The following FAM184B variants were observed in gnomAD, a reference collection of about 807,000 sequenced individuals.
FAM184B encodes protein FAM184B.
Under a neutral mutation model 135.9 loss-of-function variants are expected in FAM184B, and 111 were observed. The observed-to-expected ratio is 0.82, with a 90% confidence interval of 0.70 to 0.96. The LOEUF is 0.96. FAM184B is among the 40% of genes least tolerant of loss of function. The pLI, the probability that FAM184B is intolerant of heterozygous loss-of-function variation, is 0.00. For missense variants in FAM184B, 1,375 were observed against 1,323.9 expected, an observed-to-expected ratio of 1.04 and a Z score of -0.60; for synonymous variants, 552 against 524.8, an observed-to-expected ratio of 1.05 and a Z score of -0.71.
intron 6 of FAM184B, 133 bp downstream of exon 6, chr4:17,693,169 C>T (rs896883139): frequency 4.4e-5 from 27 of 619,258 alleles, no homozygotes; most frequent in African/African-American, 1.7e-4. Flanking sequence ...GCTAAATGCA[C>T]GCCCCCCGAG....
chr4:17,775,569 C>T (rs768866077), intron 1 of FAM184B, among the ~76,000 whole-genome samples: 5 of 152,160 alleles, frequency 3.3e-5, no homozygotes, highest in Non-Finnish European at 7.4e-5. Context: ...TCTTCTTTAC[C>T]CAACATTTGT....
chr4:17,647,868 G>A, intron 11 of FAM184B, 77 bp from the exon 12 acceptor site: 1 of 1,454,426 alleles, frequency 6.9e-7, no homozygotes, highest in South Asian at 1.3e-5. Context: ...ACAGTCTCTG[G>A]GGTGGGGTTG....
intron 12 of FAM184B, among the ~76,000 whole-genome samples, chr4:17,644,158 AGTG>A (rs1198503350): frequency 6.6e-6 from 1 of 152,228 alleles, no homozygotes. Flanking sequence ...GGTCATAATC[AGTG>A]GTGGAAGCTT....
chr4:17,658,217 G>A (rs1715821330), intron 10 of FAM184B, 133 bp downstream of exon 10: 2 of 855,656 alleles, frequency 2.3e-6, no homozygotes, highest in East Asian at 2.7e-5. Flanking sequence ...CTGGAAAAAG[G>A]GAATACAATA....
At chr4:17,644,079 C>G (rs1043903571) in intron 12 of FAM184B, among the ~76,000 whole-genome samples, 2 of 152,118 alleles carry the variant, frequency 1.3e-5, no homozygotes, top group East Asian at 3.9e-4. Context: ...AGGAGTGGCA[C>G]AGGCGAAGGC....
Position 17,693,253 on chromosome 4 carries a change from C to T in FAM184B, c.1488+49G>A. Reference sequence around the variant, plus strand: ...TGGCTTCTCAGTTAGGTAGAAGCTCCCAGGGACCAGAAACAGCACCCCAAG... The same window carrying T: ...TGGCTTCTCAGTTAGGTAGAAGCTCTCAGGGACCAGAAACAGCACCCCAAG... On this transcript the variant is annotated intron_variant, in intron 6 of 17. Coordinates refer to ENST00000265018, the MANE Select transcript of FAM184B (RefSeq NM_015688.2). 3.5e-6 allele frequency: 5 copies of T among 1,424,570 alleles called. No homozygotes were observed. In the South Asian group the frequency reaches 3.7e-5, roughly 11 times the overall value. The allele number at this position is 1,424,570 out of a possible 1,614,324, so 88.2% of individuals were successfully genotyped here. A position where few individuals can be genotyped will look rare whatever the true frequency, so the allele number is the denominator to read the frequency against.
chr4:17,700,004 G>C (rs1177984098), intron 5 of FAM184B, among the ~76,000 whole-genome samples: 2 of 152,072 alleles, frequency 1.3e-5, no homozygotes, highest in African/African-American at 4.8e-5. Context: ...TAAATTTAAA[G>C]GTGCATATTC....
At chr4:17,647,515 G>A in intron 12 of FAM184B, 122 bp downstream of exon 12, 1 of 1,255,922 alleles carries the variant, frequency 8.0e-7, no homozygotes, top group East Asian at 2.6e-5. Flanking sequence ...CTCCCAAAGT[G>A]CTAGATTCCA....
chr4:17,735,041 T>C (rs1028003783), intron 1 of FAM184B, among the ~76,000 whole-genome samples: 16 of 152,018 alleles, frequency 1.1e-4, no homozygotes, highest in Non-Finnish European at 2.2e-4. Context: ...GGGACATGGA[T>C]GAAATTGGAA....
intron 7 of FAM184B, among the ~76,000 whole-genome samples, chr4:17,676,080 CT>C (rs1462190932): frequency 6.6e-6 from 1 of 152,214 alleles, no homozygotes; most frequent in Non-Finnish European, 1.5e-5. Context: ...TAGCTTAGGC[CT>C]GTCTCAAAGT....
At position 17,639,230 on chromosome 4, in the gene FAM184B, G is replaced by A; in HGVS notation, c.2666+20C>T. The A allele has an allele frequency of 6.4e-7, 1 of 1,551,040 alleles. No individual in the cohort carries two copies. The highest frequency in any genetic ancestry group is 8.7e-7 in the Non-Finnish European group (1 of 1,146,628). ...TGGTACATTTGCAAGACCCTCCCTGGGGCCCGAGGCCTCACTTACTCGGCT... is the reference window on the plus strand; with the variant it reads ...TGGTACATTTGCAAGACCCTCCCTGAGGCCCGAGGCCTCACTTACTCGGCT... On this transcript the variant is annotated intron_variant, in intron 14 of 17. Transcript: ENST00000265018.
At chr4:17,737,403 A>G (rs959289167) in intron 1 of FAM184B, among the ~76,000 whole-genome samples, 2 of 152,110 alleles carry the variant, frequency 1.3e-5, no homozygotes, top group Non-Finnish European at 2.9e-5. Context: ...CTTCATATTA[A>G]ATTGGAAAGG....
chr4:17,653,062 T>A, intron 10 of FAM184B, 79 bp from the exon 11 acceptor site: 1 of 1,349,046 alleles, frequency 7.4e-7, no homozygotes, highest in Non-Finnish European at 1.0e-6. Flanking sequence ...CAAGCTCTTC[T>A]GAGCCAGGAT....
At chr4:17,688,337 A>T in intron 7 of FAM184B, 87 bp downstream of exon 7, 3 of 947,938 alleles carry the variant, frequency 3.2e-6, no homozygotes, top group Non-Finnish European at 4.8e-6. Flanking sequence ...GAGCCCATTA[A>T]CATCAGCATG....
At position 17,688,503 on chromosome 4, in the gene FAM184B, T is replaced by G; in HGVS notation, c.1517A>C (p.Gln506Pro). 1 of 1,550,916 alleles carries G rather than the reference T, an allele frequency of 6.4e-7. No homozygotes were observed. The highest frequency in any genetic ancestry group is 8.7e-7 in the Non-Finnish European group (1 of 1,146,832). The change falls in exon 7 of 18, where the codon CAA (glutamine) becomes CCA (proline). Residue 506 changes from glutamine to proline, a missense_variant. Coordinates refer to ENST00000265018, the MANE Select transcript of FAM184B (RefSeq NM_015688.2). ...EVLRLEEFIQ[Q>P]NKTRPTGAEE... is the part of the protein sequence containing the mutation. ...AGCTCCTGTGGGGCGTGTCTTATTT[T>G]GTTGGATAAATTCTTCCAGCCTTAA...
Position 17,632,637 on chromosome 4 carries a change from A to G in FAM184B, c.3090-12T>C, listed in dbSNP as rs1274782631. Reference sequence around the variant, plus strand: ...CACCATCTGGGGTCCTAAAAGCAAAAAAAGGTTTTTTTATATGGTTTTGAA... The same window carrying G: ...CACCATCTGGGGTCCTAAAAGCAAAGAAAGGTTTTTTTATATGGTTTTGAA... On this transcript the variant is annotated splice_polypyrimidine_tract_variant and intron_variant, in intron 17 of 17. Transcript: ENST00000265018. 1 of 1,534,994 alleles carries G rather than the reference A, an allele frequency of 6.5e-7. No individual in the cohort carries two copies. The highest frequency in any genetic ancestry group is 2.0e-5 in the Admixed American group (1 of 49,292).
At chr4:17,693,261 C>T (rs992123951) in intron 6 of FAM184B, 41 bp downstream of exon 6, 2 of 1,479,192 alleles carry the variant, frequency 1.4e-6, no homozygotes, top group Admixed American at 2.0e-5. Context: ...TCCCAGGGAC[C>T]AGAAACAGCA....
In FAM184B at chr4:17,705,663, T is replaced by C; in HGVS notation, c.1170+89A>G. ...CTTCTGATTCCAAGTGGATCCACTA[T>C]GCTTGGGGACTGGCCTCTACCTGAC... On this transcript the variant is annotated intron_variant, in intron 4 of 17. Coordinates refer to ENST00000265018, the MANE Select transcript of FAM184B (RefSeq NM_015688.2). 5 of 1,455,944 alleles carry C rather than the reference T, an allele frequency of 3.4e-6. No individual in the cohort carries two copies. In the Admixed American group the frequency reaches 9.0e-5, roughly 26 times the overall value. The allele number at this position is 1,455,944 out of a possible 1,614,324, so 90.2% of individuals were successfully genotyped here.
chr4:17,665,648 G>C (rs1716029800), intron 7 of FAM184B, among the ~76,000 whole-genome samples: 1 of 152,200 alleles, frequency 6.6e-6, no homozygotes, highest in Non-Finnish European at 1.5e-5. Context: ...AAGGGGCAGA[G>C]CTGAGGCTGG....
Sources: gnomAD v4.1 joint callset for allele counts (sites outside exome capture counted in the v4.1 genomes callset) on GRCh38, gnomAD v4.1.1 for gene constraint, MANE v1.5 for transcripts, NCBI Gene and HGNC (gene_info 2026-07-23, HGNC 2026-07-21) for gene names.